Variants in GLRA3 observed in about 807,000 individuals in gnomAD.
GLRA3 encodes the protein glycine receptor subunit alpha-3.
A neutral mutation model predicts 60.4 loss-of-function variants in GLRA3; 44 were observed. The ratio of observed to expected loss-of-function variants is 0.73; its 90% CI spans 0.57 to 0.94. The LOEUF (loss-of-function observed/expected upper bound fraction) is 0.94. Ranked by LOEUF, GLRA3 falls within the 40% of genes least tolerant of loss-of-function variation. GLRA3 has a pLI of 0.00. For missense variants in GLRA3, 508 were observed against 564.6 expected (o/e 0.90, Z 1.02); for synonymous variants, 223 against 192.9 (o/e 1.16, Z -1.29).
At chr4:174,650,562 C>T (rs4695946) in intron 9 of GLRA3, among the ~76,000 whole-genome samples, 78,006 of 151,938 alleles carry the variant, frequency 0.51, 21,533 homozygotes, top group African/African-American at 0.72. Flanking sequence ...TAGAAACAGC[C>T]GCCCAGACCA....
intron 2 of GLRA3, among the ~76,000 whole-genome samples, chr4:174,787,966 T>C (rs1162871332): frequency 6.6e-6 from 1 of 152,046 alleles, no homozygotes; most frequent in African/African-American, 2.4e-5. Context: ...TTTTCTTCCA[T>C]AAGGACAAAT....
At chr4:174,744,238 C>T (rs1561090869) in intron 3 of GLRA3, among the ~76,000 whole-genome samples, 1 of 152,238 alleles carries the variant, frequency 6.6e-6, no homozygotes, top group Non-Finnish European at 1.5e-5. Flanking sequence ...ACTGCCATTG[C>T]CCACACCACA....
At chr4:174,692,067 G>A (rs561031781) in intron 5 of GLRA3, among the ~76,000 whole-genome samples, 91 of 144,600 alleles carry the variant, frequency 6.3e-4, no homozygotes, top group Middle Eastern at 5.0e-3. Flanking sequence ...GGTGAGGAGC[G>A]TCTCTGCTGG....
chr4:174,715,422 A>C, intron 5 of GLRA3, 66 bp downstream of exon 5: 2 of 765,602 alleles, frequency 2.6e-6, no homozygotes, highest in Non-Finnish European at 4.6e-6. Flanking sequence ...TATCCATATT[A>C]GGCATTAAAA....
At chr4:174,809,930 CT>C (rs1740195792) in intron 1 of GLRA3, among the ~76,000 whole-genome samples, 1 of 151,900 alleles carries the variant, frequency 6.6e-6, no homozygotes, top group African/African-American at 2.4e-5. Flanking sequence ...GAAATTAAGA[CT>C]TTTATAGAAG....
chr4:174,660,342 A>C (rs1364745388), intron 7 of GLRA3, among the ~76,000 whole-genome samples: 2 of 152,020 alleles, frequency 1.3e-5, no homozygotes, highest in African/African-American at 4.8e-5. Context: ...GTGGGACATT[A>C]TCTGTCTCTC....
chr4:174,667,904 C>T (rs538872767), intron 7 of GLRA3, among the ~76,000 whole-genome samples: 1 of 152,106 alleles, frequency 6.6e-6, no homozygotes. Context: ...GATCTGTGCC[C>T]CCACCCAAAA....
At chr4:174,819,152 C>T (rs1451497011) in intron 1 of GLRA3, among the ~76,000 whole-genome samples, 1 of 152,118 alleles carries the variant, frequency 6.6e-6, no homozygotes, top group African/African-American at 2.4e-5. Context: ...TGGAAATTAA[C>T]AAAAACATGC....
chr4:174,741,051 ATT>A (rs1663776115), intron 3 of GLRA3, among the ~76,000 whole-genome samples: 1 of 152,112 alleles, frequency 6.6e-6, no homozygotes, highest in Admixed American at 6.5e-5. Context: ...TGTGTATGGG[ATT>A]TTATGTAAGC....
intron 5 of GLRA3, among the ~76,000 whole-genome samples, chr4:174,685,007 C>A (rs1263809380): frequency 6.6e-6 from 1 of 151,686 alleles, no homozygotes; most frequent in East Asian, 1.9e-4. Context: ...GACCCTGTCT[C>A]AAAAAACAAA....
chr4:174,824,661 T>C (rs747177053), intron 1 of GLRA3, among the ~76,000 whole-genome samples: 5 of 152,168 alleles, frequency 3.3e-5, no homozygotes, highest in Non-Finnish European at 7.4e-5. Flanking sequence ...GTATCATTCG[T>C]TTTGCATAGA....
chr4:174,750,655 TA>T (rs1041568107), intron 3 of GLRA3, among the ~76,000 whole-genome samples: 48 of 152,098 alleles, frequency 3.2e-4, no homozygotes, highest in African/African-American at 9.4e-4. Context: ...AGGTGACAGA[TA>T]AAAACTTAGC....
intron 5 of GLRA3, among the ~76,000 whole-genome samples, chr4:174,703,122 G>A (rs1735387688): frequency 6.6e-6 from 1 of 152,176 alleles, no homozygotes; most frequent in South Asian, 2.1e-4. Context: ...ATGTTGTGAA[G>A]AAACAGGCTA....
intron 2 of GLRA3, among the ~76,000 whole-genome samples, chr4:174,775,889 G>GA (rs1172164101): frequency 1.5e-5 from 1 of 68,626 alleles, no homozygotes; most frequent in Non-Finnish European, 3.4e-5. Flanking sequence ...AAAAATAATG[G>GA]AAAAAAAATA....
intron 3 of GLRA3, among the ~76,000 whole-genome samples, chr4:174,737,759 G>A (rs940960665): frequency 6.6e-6 from 1 of 152,162 alleles, no homozygotes; most frequent in Non-Finnish European, 1.5e-5. Flanking sequence ...AGATCCGCAC[G>A]CCTCGATCTC....
At chr4:174,758,358 G>C (rs137865894) in intron 3 of GLRA3, among the ~76,000 whole-genome samples, 1 of 152,228 alleles carries the variant, frequency 6.6e-6, no homozygotes, top group Non-Finnish European at 1.5e-5. Context: ...AAAGTAATGA[G>C]AGTGGTACTT....
intron 6 of GLRA3, 75 bp from the exon 7 acceptor site, chr4:174,677,367 C>CTT: frequency 1.5e-5 from 11 of 729,852 alleles, no homozygotes; most frequent in East Asian, 3.1e-5. Flanking sequence ...CACAATTTCT[C>CTT]TTTTTTTTTT....
At chr4:174,815,251 A>T (rs1158504375) in intron 1 of GLRA3, among the ~76,000 whole-genome samples, 1 of 152,192 alleles carries the variant, frequency 6.6e-6, no homozygotes, top group East Asian at 1.9e-4. Flanking sequence ...GGCCTTGAGC[A>T]GCTCCACATT....
intron 4 of GLRA3, among the ~76,000 whole-genome samples, chr4:174,719,248 C>T (rs1032447656): frequency 6.6e-6 from 1 of 152,086 alleles, no homozygotes; most frequent in Non-Finnish European, 1.5e-5. Flanking sequence ...CAGGCGTGAG[C>T]CACCGCGCCC....
Sources: allele counts gnomAD v4.1 joint callset (sites outside exome capture counted in the v4.1 genomes callset), GRCh38; gene constraint gnomAD v4.1.1; transcripts MANE v1.5; gene names NCBI Gene and HGNC (gene_info 2026-07-23, HGNC 2026-07-21).